The following CPA6 variants were observed in gnomAD, a reference collection of about 807,000 sequenced individuals.
CPA6 encodes carboxypeptidase A6, also known as carboxypeptidase B.
Under a neutral mutation model 63.3 loss-of-function variants are expected in CPA6, and 58 were observed. The ratio of observed to expected loss-of-function variants is 0.92; its 90% CI spans 0.74 to 1.14. The LOEUF (loss-of-function observed/expected upper bound fraction) is 1.14. CPA6 is among the 50% of genes most tolerant of loss of function. The pLI is 0.00. For missense variants in CPA6, 565 were observed against 526.6 expected (o/e 1.07, Z -0.71); for synonymous variants, 185 against 179.0 (o/e 1.03, Z -0.27).
intron 1 of CPA6, among the ~76,000 whole-genome samples, chr8:67,736,228 A>G (rs1299870411): frequency 6.6e-6 from 1 of 152,176 alleles, no homozygotes; most frequent in Non-Finnish European, 1.5e-5. Context: ...GGTGTAAAAT[A>G]TGAGCATATC....
chr8:67,490,553 T>C (rs1587486460), intron 6 of CPA6, among the ~76,000 whole-genome samples: 2 of 152,302 alleles, frequency 1.3e-5, no homozygotes, highest in African/African-American at 2.4e-5. Context: ...AATTAAAAGA[T>C]ACTAAGGAAA....
At chr8:67,516,115 G>A (rs1261357711) in intron 3 of CPA6, among the ~76,000 whole-genome samples, 2 of 152,092 alleles carry the variant, frequency 1.3e-5, no homozygotes, top group Non-Finnish European at 2.9e-5. Flanking sequence ...CTCTGTATCA[G>A]TGTCACACTC....
chr8:67,535,763 G>A (rs1468968610), intron 2 of CPA6, among the ~76,000 whole-genome samples: 2 of 152,158 alleles, frequency 1.3e-5, no homozygotes, highest in Admixed American at 6.5e-5. Flanking sequence ...TGGTGTTTTA[G>A]TCATGAAGTA....
intron 2 of CPA6, among the ~76,000 whole-genome samples, chr8:67,583,649 G>T (rs551270657): frequency 1.3e-5 from 2 of 152,300 alleles, no homozygotes; most frequent in South Asian, 2.1e-4. Context: ...AGGTGGAGTG[G>T]CATGGTTGTT....
chr8:67,607,370 C>T (rs1034853221), intron 2 of CPA6, among the ~76,000 whole-genome samples: 2 of 151,660 alleles, frequency 1.3e-5, no homozygotes, highest in Non-Finnish European at 2.9e-5. Flanking sequence ...AAAGAGTAGG[C>T]GGGGTGGAAA....
intron 6 of CPA6, among the ~76,000 whole-genome samples, chr8:67,486,653 A>G (rs1811484348): frequency 6.6e-6 from 1 of 152,146 alleles, no homozygotes; most frequent in South Asian, 2.1e-4. Context: ...ATATTACCCT[A>G]TTGTGATTTG....
intron 3 of CPA6, 22 bp from the exon 4 acceptor site, chr8:67,511,677 T>C (rs1812045830): frequency 1.4e-6 from 2 of 1,384,232 alleles, no homozygotes; most frequent in Non-Finnish European, 2.1e-6. Flanking sequence ...ATGACAGACA[T>C]GATGAAAAGT....
chr8:67,590,196 A>T (rs1814075984), intron 2 of CPA6, among the ~76,000 whole-genome samples: 1 of 152,200 alleles, frequency 6.6e-6, no homozygotes, highest in East Asian at 1.9e-4. Flanking sequence ...AATTTCATCC[A>T]TGTCCCTACA....
At chr8:67,531,483 C>G (rs1812476733) in intron 2 of CPA6, among the ~76,000 whole-genome samples, 2 of 151,964 alleles carry the variant, frequency 1.3e-5, no homozygotes, top group African/African-American at 4.8e-5. Context: ...AACGTTAGGG[C>G]AAAACCATTT....
intron 8 of CPA6, among the ~76,000 whole-genome samples, chr8:67,458,799 C>A (rs921445812): frequency 6.6e-6 from 1 of 152,178 alleles, no homozygotes; most frequent in African/African-American, 2.4e-5. Context: ...TGAAAAGATG[C>A]CCCACATCAT....
At chr8:67,636,557 C>G (rs1462247102) in intron 1 of CPA6, among the ~76,000 whole-genome samples, 1 of 151,478 alleles carries the variant, frequency 6.6e-6, no homozygotes, top group Non-Finnish European at 1.5e-5. Flanking sequence ...CCAAGTCCCT[C>G]TCGCTAAAAC....
intron 6 of CPA6, among the ~76,000 whole-genome samples, chr8:67,492,167 G>A (rs1811620709): frequency 6.6e-6 from 1 of 152,202 alleles, no homozygotes; most frequent in Non-Finnish European, 1.5e-5. Context: ...TGACACTGCA[G>A]CATTCAGCTC....
chr8:67,733,233 T>A (rs1393319950), intron 1 of CPA6, among the ~76,000 whole-genome samples: 115 of 122,634 alleles, frequency 9.4e-4, no homozygotes, highest in Non-Finnish European at 1.6e-3. Flanking sequence ...AATAAAAAAA[T>A]TTAGCGTCTA....
intron 1 of CPA6, among the ~76,000 whole-genome samples, chr8:67,733,846 C>CTTTTTTTTT (rs10696053): frequency 6.3e-5 from 6 of 94,932 alleles, no homozygotes; most frequent in Non-Finnish European, 1.2e-4. Flanking sequence ...GCTGCATCGT[C>CTTTTTTTTT]TTTTTTTTTT....
chr8:67,721,186 G>A (rs1445675230), intron 1 of CPA6, among the ~76,000 whole-genome samples: 1 of 152,170 alleles, frequency 6.6e-6, no homozygotes, highest in African/African-American at 2.4e-5. Flanking sequence ...GAGCACTCTG[G>A]CTACGCCCAT....
chr8:67,687,017 C>CA (rs1816721847), intron 1 of CPA6, among the ~76,000 whole-genome samples: 2 of 152,198 alleles, frequency 1.3e-5, no homozygotes, highest in African/African-American at 4.8e-5. Context: ...GAGAATCTCC[C>CA]GGCCTTCTCA....
intron 1 of CPA6, among the ~76,000 whole-genome samples, chr8:67,659,648 C>G (rs1456825946): frequency 6.6e-6 from 1 of 152,110 alleles, no homozygotes; most frequent in Non-Finnish European, 1.5e-5. Flanking sequence ...GCTTTAATAA[C>G]CACAAAACTA....
At chr8:67,548,735 G>C (rs1409941188) in intron 2 of CPA6, among the ~76,000 whole-genome samples, 2 of 152,172 alleles carry the variant, frequency 1.3e-5, no homozygotes, top group Non-Finnish European at 2.9e-5. Flanking sequence ...GGGAGGGGAG[G>C]TAAATTCAGC....
At chr8:67,665,487 C>G (rs1429198635) in intron 1 of CPA6, among the ~76,000 whole-genome samples, 2 of 152,176 alleles carry the variant, frequency 1.3e-5, no homozygotes, top group Non-Finnish European at 2.9e-5. Flanking sequence ...AGATGAAACA[C>G]TCTGTTGGGG....
Sources: gnomAD v4.1 joint callset for allele counts (sites outside exome capture counted in the v4.1 genomes callset) on GRCh38, gnomAD v4.1.1 for gene constraint, MANE v1.5 for transcripts, NCBI Gene and HGNC (gene_info 2026-07-23, HGNC 2026-07-21) for gene names.